NDST3: variants seen among roughly 807,000 people sequenced by gnomAD.
NDST3 encodes bifunctional heparan sulfate N-deacetylase/N-sulfotransferase 3.
NDST3 carries 58 observed loss-of-function variants against 96.1 expected under a neutral mutation model. The observed-to-expected ratio is 0.60, with a 90% CI of 0.49 to 0.75. NDST3 has a LOEUF of 0.75. Among genes scored for constraint, NDST3 ranks in the 30% least tolerant of loss-of-function variants. The pLI is 0.00. For synonymous variants in NDST3, 333 were observed against 359.7 expected (o/e 0.93, Z 0.84); for missense variants, 788 against 1,034.2 (o/e 0.76, Z 3.27).
intron 12 of NDST3, 95 bp downstream of exon 12, chr4:118,242,244 T>A (rs1327065500): frequency 1.3e-6 from 1 of 764,504 alleles, no homozygotes; most frequent in Non-Finnish European, 2.2e-6. Flanking sequence ...GGTTACTTGT[T>A]CCTTATATAC....
chr4:118,208,108 C>A (rs1738561670), intron 6 of NDST3, among the ~76,000 whole-genome samples: 2 of 144,426 alleles, frequency 1.4e-5, no homozygotes, highest in South Asian at 4.6e-4. Context: ...ATTGATTTAT[C>A]TATCAATAAG....
At chr4:118,161,200 C>T (rs999372775) in intron 6 of NDST3, among the ~76,000 whole-genome samples, 11 of 152,196 alleles carry the variant, frequency 7.2e-5, no homozygotes, top group Admixed American at 2.0e-4. Context: ...TCGTGAACTG[C>T]GAATGCTGCT....
intron 2 of NDST3, among the ~76,000 whole-genome samples, chr4:118,074,629 G>T (rs564362910): frequency 1.3e-5 from 2 of 152,226 alleles, no homozygotes; most frequent in East Asian, 3.9e-4. Context: ...GAGGCTATGG[G>T]TGTCACTGCA....
intron 2 of NDST3, among the ~76,000 whole-genome samples, chr4:118,104,176 T>C (rs915918641): frequency 1.3e-5 from 2 of 152,188 alleles, no homozygotes; most frequent in African/African-American, 2.4e-5. Flanking sequence ...TTTGGATCTA[T>C]ATCCGTAAGC....
rs145037890 is a variant in NDST3, at chr4:118,118,730, A to T, written c.1224+3770A>T. Among the ~76,000 whole-genome samples, 280 of 152,314 alleles carry T rather than the reference A, an allele frequency of 1.8e-3. 7 individuals are homozygous for T. In the East Asian group the frequency reaches 0.044, roughly 24 times the overall value. ...AGGATAATTCAGGGGTTAAACTGCAATTTCAACAGGGGATTTTTTTTTGGA... is the reference window on the plus strand; with the variant it reads ...AGGATAATTCAGGGGTTAAACTGCATTTTCAACAGGGGATTTTTTTTTGGA... On this transcript the variant is annotated intron_variant, in intron 4 of 13. Coordinates refer to ENST00000296499, the MANE Select transcript of NDST3 (RefSeq NM_004784.3).
intron 6 of NDST3, among the ~76,000 whole-genome samples, chr4:118,224,130 T>C (rs1739718830): frequency 6.6e-6 from 1 of 152,122 alleles, no homozygotes; most frequent in Non-Finnish European, 1.5e-5. Flanking sequence ...ATGTTTTATA[T>C]TGGGAATAAT....
At chr4:118,039,007 T>A (rs1051685637) in intron 1 of NDST3, among the ~76,000 whole-genome samples, 2 of 152,340 alleles carry the variant, frequency 1.3e-5, no homozygotes, top group African/African-American at 4.8e-5. Flanking sequence ...TTGTATATAT[T>A]GAGTTCTTTC....
chr4:118,135,310 G>C (rs1380489922), intron 4 of NDST3, among the ~76,000 whole-genome samples: 1 of 152,132 alleles, frequency 6.6e-6, no homozygotes, highest in Non-Finnish European at 1.5e-5. Flanking sequence ...GGAGTCTCAT[G>C]AGAAAGAATC....
At chr4:118,135,830 A>C (rs1249502867) in intron 4 of NDST3, among the ~76,000 whole-genome samples, 3 of 152,154 alleles carry the variant, frequency 2.0e-5, no homozygotes, top group Non-Finnish European at 1.5e-5. Flanking sequence ...GTAAGCTATG[A>C]TCACCACCAC....
At chr4:118,161,474 G>A (rs1260235338) in intron 6 of NDST3, among the ~76,000 whole-genome samples, 1 of 152,200 alleles carries the variant, frequency 6.6e-6, no homozygotes, top group Non-Finnish European at 1.5e-5. Context: ...TGCCCCCAGA[G>A]GTGGAGTCTA....
chr4:118,148,103 C>T (rs947072323), intron 6 of NDST3, among the ~76,000 whole-genome samples: 1 of 152,174 alleles, frequency 6.6e-6, no homozygotes, highest in African/African-American at 2.4e-5. Context: ...TCAAGACCAT[C>T]CTGGCTAACA....
intron 6 of NDST3, chr4:118,193,269 C>T (rs4240320): frequency 0.58 from 198,714 of 341,912 alleles, 63,609 homozygotes; most frequent in East Asian, 0.71. Context: ...CCCCCTTCCC[C>T]CTAAAGCCAC....
At chr4:118,187,315 G>A (rs1737027186) in intron 6 of NDST3, among the ~76,000 whole-genome samples, 1 of 152,298 alleles carries the variant, frequency 6.6e-6, no homozygotes, top group Admixed American at 6.5e-5. Flanking sequence ...AGTAGAATCT[G>A]CTACAGAGCC....
intron 6 of NDST3, among the ~76,000 whole-genome samples, chr4:118,215,609 G>C (rs1739145029): frequency 7.2e-6 from 1 of 138,642 alleles, no homozygotes; most frequent in Non-Finnish European, 1.7e-5. Context: ...ATATGTTTTC[G>C]GGTATGAGGG....
rs138176754 is a variant in NDST3, at chr4:118,216,119, C to T, written c.1540-8372C>T. Among the ~76,000 whole-genome samples, 1,373 of 152,260 alleles carry T rather than the reference C, an allele frequency of 9.0e-3. 24 individuals carry two copies. The highest frequency in any genetic ancestry group is 0.031 in the African/African-American group (1,303 of 41,556). ...GAAGTGAACTAATTAAATGGAAGAACTGGCCCAAAGTCTCATATTTGCAGA... is the reference window on the plus strand; with the variant it reads ...GAAGTGAACTAATTAAATGGAAGAATTGGCCCAAAGTCTCATATTTGCAGA... On this transcript the variant is annotated intron_variant, in intron 6 of 13. Coordinates refer to ENST00000296499, the MANE Select transcript of NDST3 (RefSeq NM_004784.3).
intron 6 of NDST3, among the ~76,000 whole-genome samples, chr4:118,218,720 G>C (rs902619496): frequency 6.6e-5 from 10 of 152,034 alleles, no homozygotes; most frequent in Admixed American, 5.3e-4. Context: ...AGAAATAAAG[G>C]GTATTCAGAT....
At chr4:118,136,693 T>C (rs753327715) in intron 4 of NDST3, among the ~76,000 whole-genome samples, 20 of 152,218 alleles carry the variant, frequency 1.3e-4, no homozygotes, top group East Asian at 1.9e-4. Context: ...AGTAGCAAGA[T>C]AGTGGCTCCC....
At chr4:118,196,096 A>T (rs1173168269) in intron 6 of NDST3, among the ~76,000 whole-genome samples, 1 of 152,210 alleles carries the variant, frequency 6.6e-6, no homozygotes, top group Non-Finnish European at 1.5e-5. Flanking sequence ...ACATCTACTG[A>T]CATGATCATA....
chr4:118,085,157 A>T (rs2125823168), intron 2 of NDST3, among the ~76,000 whole-genome samples: 1 of 152,242 alleles, frequency 6.6e-6, no homozygotes, highest in African/African-American at 2.4e-5. Context: ...AATGAAAACC[A>T]ATATAGGGAA....
Sources: allele counts gnomAD v4.1 joint callset (sites outside exome capture counted in the v4.1 genomes callset), GRCh38; gene constraint gnomAD v4.1.1; transcripts MANE v1.5; gene names NCBI Gene and HGNC (gene_info 2026-07-23, HGNC 2026-07-21).